Variants in BMPR1B observed in about 807,000 individuals in gnomAD.
The protein encoded by BMPR1B is bone morphogenetic protein receptor type-1B.
BMPR1B carries 12 observed loss-of-function variants against 59.1 expected under a neutral mutation model. The observed-to-expected ratio is 0.20, with a 90% CI of 0.13 to 0.33. The LOEUF is 0.33. Among genes scored for constraint, BMPR1B ranks in the 10% least tolerant of loss-of-function variants. The probability of loss-of-function intolerance (pLI) is 1.00; values close to 1 mark genes in which losing one functional copy is unlikely to be tolerated. For missense variants in BMPR1B, 550 were observed against 610.9 expected (o/e 0.90, Z 1.05); for synonymous variants, 237 against 207.3 (o/e 1.14, Z -1.23).
At position 94,980,186 on chromosome 4, in the gene BMPR1B, CT is replaced by C. The variant is rs1005359778; in HGVS notation, c.-112-15853del. ...AGCACACCACTTTTTGGCAGTTGAA[CT>C]GGCCACTGATAAGATTTATTCATCA... On this transcript the variant is annotated intron_variant, in intron 2 of 12. Coordinates refer to ENST00000515059, the MANE Select transcript of BMPR1B (RefSeq NM_001203.3). Among the ~76,000 whole-genome samples the C allele has an allele frequency of 1.1e-4, 16 of 152,314 alleles. 1 individual carries two copies. Among genetic ancestry groups the C allele is most frequent in the African/African-American group, 3.6e-4 (15 of 41,574 alleles).
At chr4:95,012,913 C>G (rs1432754781) in intron 3 of BMPR1B, among the ~76,000 whole-genome samples, 1 of 152,014 alleles carries the variant, frequency 6.6e-6, no homozygotes, top group Non-Finnish European at 1.5e-5. Context: ...AATTCTCGCT[C>G]TCATAGAAAC....
At chr4:94,768,302 T>G (rs1268879779) in intron 1 of BMPR1B, among the ~76,000 whole-genome samples, 1 of 152,082 alleles carries the variant, frequency 6.6e-6, no homozygotes, top group Non-Finnish European at 1.5e-5. Flanking sequence ...TTAATGTCTT[T>G]ATTTCTTGAA....
At chr4:95,046,280 T>G (rs937597248) in intron 3 of BMPR1B, among the ~76,000 whole-genome samples, 7 of 152,072 alleles carry the variant, frequency 4.6e-5, no homozygotes, top group Admixed American at 3.3e-4. Context: ...TCACACTGTT[T>G]GTGACAGGAA....
intron 1 of BMPR1B, among the ~76,000 whole-genome samples, chr4:94,828,978 A>T (rs371127919): frequency 6.7e-6 from 1 of 148,812 alleles, no homozygotes; most frequent in African/African-American, 2.6e-5. Flanking sequence ...TGTGTGTGTG[A>T]GAGAAGTCAT....
chr4:95,031,095 G>T (rs1338915951), intron 3 of BMPR1B, among the ~76,000 whole-genome samples: 2 of 152,012 alleles, frequency 1.3e-5, no homozygotes, highest in East Asian at 3.9e-4. Flanking sequence ...AAAGCTGGAG[G>T]CATCACACTA....
chr4:94,899,204 G>A (rs1727706702), intron 2 of BMPR1B, among the ~76,000 whole-genome samples: 2 of 151,810 alleles, frequency 1.3e-5, no homozygotes, highest in Non-Finnish European at 2.9e-5. Flanking sequence ...GAGGACACGT[G>A]GTGGCATTTA....
chr4:94,936,859 C>A (rs41367045), intron 2 of BMPR1B, among the ~76,000 whole-genome samples: 21,297 of 151,976 alleles, frequency 0.14, 1,672 homozygotes, highest in South Asian at 0.19. Flanking sequence ...TCCCTTAGCG[C>A]AGATCCTCAC....
chr4:95,142,150 G>A (rs770668991), intron 10 of BMPR1B, among the ~76,000 whole-genome samples: 33 of 152,260 alleles, frequency 2.2e-4, no homozygotes, highest in Non-Finnish European at 4.7e-4. Context: ...TAGCAGCATT[G>A]AATGTTGAAA....
intron 2 of BMPR1B, among the ~76,000 whole-genome samples, chr4:94,949,992 G>A (rs182373129): frequency 1.4e-4 from 22 of 152,248 alleles, no homozygotes; most frequent in Admixed American, 3.9e-4. Context: ...TCTAACTGGC[G>A]TGAGATGATA....
chr4:95,141,666 A>G (rs13108149), intron 10 of BMPR1B, among the ~76,000 whole-genome samples: 12,218 of 152,318 alleles, frequency 0.08, 623 homozygotes, highest in Middle Eastern at 0.12. Flanking sequence ...GACACATGAA[A>G]TGCCTTGAAG....
In BMPR1B at chr4:94,758,014, G is replaced by T. The variant is rs1358448716; in HGVS notation, c.-237G>T. 2 of 147,558 alleles carry T rather than the reference G, an allele frequency of 1.4e-5. No individual in the cohort carries two copies. Among genetic ancestry groups the T allele is most frequent in the Non-Finnish European group, 3.0e-5 (2 of 66,180 alleles). The allele number at this position is 147,558 out of a possible 1,614,324, so 9.1% of individuals were successfully genotyped here. ...AGTCGGCGGGGCCTCGCGGGACGCC[G>T]GGCAGTGCGGAGACCGCGGCGCTGA... On this transcript the variant is annotated 5_prime_UTR_variant, in exon 1 of 13. Transcript: ENST00000515059.
At chr4:95,048,352 T>G (rs1048431732) in intron 3 of BMPR1B, among the ~76,000 whole-genome samples, 1 of 152,164 alleles carries the variant, frequency 6.6e-6, no homozygotes, top group African/African-American at 2.4e-5. Context: ...GGTAGTACTG[T>G]TTTAACTTGT....
At chr4:94,967,352 T>G (rs546480197) in intron 2 of BMPR1B, among the ~76,000 whole-genome samples, 1 of 152,288 alleles carries the variant, frequency 6.6e-6, no homozygotes, top group African/African-American at 2.4e-5. Flanking sequence ...ACGACCCTGT[T>G]GTTAGAGATT....
intron 4 of BMPR1B, 76 bp from the exon 5 acceptor site, chr4:95,114,644 A>G (rs1418380792): frequency 6.7e-6 from 8 of 1,185,868 alleles, no homozygotes; most frequent in African/African-American, 6.7e-5. Flanking sequence ...CTTTTCCCCT[A>G]GACACACACA....
chr4:94,792,068 T>A (rs1723005218), intron 1 of BMPR1B, among the ~76,000 whole-genome samples: 1 of 152,208 alleles, frequency 6.6e-6, no homozygotes, highest in Non-Finnish European at 1.5e-5. Context: ...TCTGGCATAT[T>A]TGAATAATGC....
intron 1 of BMPR1B, among the ~76,000 whole-genome samples, chr4:94,814,935 C>G (rs1723952591): frequency 6.6e-6 from 1 of 151,788 alleles, no homozygotes; most frequent in Non-Finnish European, 1.5e-5. Context: ...AGGAATTTCG[C>G]TCTTGTTGCC....
At chr4:94,962,540 G>GT (rs554577077) in intron 2 of BMPR1B, among the ~76,000 whole-genome samples, 25 of 151,158 alleles carry the variant, frequency 1.7e-4, no homozygotes, top group African/African-American at 2.7e-4. Flanking sequence ...CATGAGATCA[G>GT]TTTTTTTTTA....
chr4:95,138,417 G>C (rs1366895604), intron 10 of BMPR1B, among the ~76,000 whole-genome samples: 1 of 152,072 alleles, frequency 6.6e-6, no homozygotes, highest in Non-Finnish European at 1.5e-5. Flanking sequence ...GTATCTTTGT[G>C]GTGTTTTCTG....
At chr4:95,015,244 T>C (rs1423274997) in intron 3 of BMPR1B, among the ~76,000 whole-genome samples, 1 of 152,070 alleles carries the variant, frequency 6.6e-6, no homozygotes, top group Non-Finnish European at 1.5e-5. Context: ...AACTGAAAAA[T>C]GTTCTTGACA....
Sources: allele counts gnomAD v4.1 joint callset (sites outside exome capture counted in the v4.1 genomes callset), GRCh38; gene constraint gnomAD v4.1.1; transcripts MANE v1.5; gene names NCBI Gene and HGNC (gene_info 2026-07-23, HGNC 2026-07-21).